SLC25A48: variants seen among roughly 807,000 people sequenced by gnomAD.
SLC25A48 encodes solute carrier family 25 member 48.
A neutral mutation model predicts 32.2 loss-of-function variants in SLC25A48; 29 were observed. The ratio of observed to expected loss-of-function variants is 0.90; its 90% CI spans 0.67 to 1.23. The LOEUF is 1.23. SLC25A48 is among the 50% of genes most tolerant of loss of function. SLC25A48 has a pLI of 0.00. For missense variants in SLC25A48, 399 were observed against 422.7 expected, an observed-to-expected ratio of 0.94 and a Z score of 0.49; for synonymous variants, 164 against 172.3, an observed-to-expected ratio of 0.95 and a Z score of 0.38.
At chr5:135,747,652 C>T (rs966016257) in intron 3 of SLC25A48, among the ~76,000 whole-genome samples, 1 of 152,088 alleles carries the variant, frequency 6.6e-6, no homozygotes, top group African/African-American at 2.4e-5. Flanking sequence ...AGGTTTGGCA[C>T]CTGGAATATT....
intron 3 of SLC25A48, among the ~76,000 whole-genome samples, chr5:135,728,201 G>A (rs1247428722): frequency 6.6e-6 from 1 of 151,418 alleles, no homozygotes; most frequent in African/African-American, 2.4e-5. Context: ...GGTTGCAGTG[G>A]GCTGAGATCG....
At chr5:135,605,009 C>A (rs1751900286) in intron 1 of SLC25A48, among the ~76,000 whole-genome samples, 1 of 152,140 alleles carries the variant, frequency 6.6e-6, no homozygotes, top group Admixed American at 6.5e-5. Flanking sequence ...TGTAGGTGTT[C>A]TTGAAATATA....
At chr5:135,732,234 T>G (rs1473025754) in intron 3 of SLC25A48, among the ~76,000 whole-genome samples, 1 of 152,234 alleles carries the variant, frequency 6.6e-6, no homozygotes, top group Non-Finnish European at 1.5e-5. Context: ...GTGTGAAGGT[T>G]TCACTGAATA....
intron 3 of SLC25A48, among the ~76,000 whole-genome samples, chr5:135,726,652 C>T (rs558643139): frequency 1.8e-4 from 28 of 152,284 alleles, no homozygotes; most frequent in African/African-American, 6.7e-4. Context: ...ATAGTGTGTT[C>T]CTTTTTATTG....
intron 3 of SLC25A48, among the ~76,000 whole-genome samples, chr5:135,772,005 C>G (rs1409510967): frequency 2.0e-5 from 3 of 151,426 alleles, no homozygotes; most frequent in Non-Finnish European, 4.4e-5. Flanking sequence ...GGGCTGTACA[C>G]TCCCCTATGA....
chr5:135,581,170 G>A (rs2126869056), intron 1 of SLC25A48, among the ~76,000 whole-genome samples: 1 of 152,236 alleles, frequency 6.6e-6, no homozygotes, highest in East Asian at 1.9e-4. Context: ...CAGAGTAAGT[G>A]TTTGATATGT....
intron 3 of SLC25A48, chr5:135,650,199 AGTCCTTGCT>A: frequency 3.8e-6 from 1 of 266,178 alleles, no homozygotes; most frequent in South Asian, 3.3e-5. Flanking sequence ...CCAACCTCAT[AGTCCTTGCT>A]GAGGCCTGTA....
intron 3 of SLC25A48, among the ~76,000 whole-genome samples, chr5:135,666,657 CAGAGAGAG>C (rs70976575): frequency 2.3e-4 from 35 of 150,070 alleles, no homozygotes; most frequent in Admixed American, 8.0e-4. Context: ...TTCAGGGCAT[CAGAGAGAG>C]AGAGAGAGAG....
chr5:135,660,576 T>G (rs1156823595), intron 3 of SLC25A48, among the ~76,000 whole-genome samples: 1 of 152,200 alleles, frequency 6.6e-6, no homozygotes, highest in East Asian at 1.9e-4. Context: ...ATTCTACCTA[T>G]CAAAATTACT....
At chr5:135,707,966 G>GGATT (rs1419527114) in intron 3 of SLC25A48, among the ~76,000 whole-genome samples, 2 of 152,130 alleles carry the variant, frequency 1.3e-5, no homozygotes, top group African/African-American at 4.8e-5. Context: ...ATGGATGGAT[G>GGATT]GATTGGCTAG....
intron 3 of SLC25A48, among the ~76,000 whole-genome samples, chr5:135,728,790 CT>C (rs1304511461): frequency 6.6e-6 from 1 of 151,284 alleles, no homozygotes; most frequent in East Asian, 2.0e-4. Context: ...TCTGACTTGC[CT>C]TTCACCTCAG....
At chr5:135,727,681 G>C (rs1755120530) in intron 3 of SLC25A48, among the ~76,000 whole-genome samples, 1 of 152,080 alleles carries the variant, frequency 6.6e-6, no homozygotes, top group Admixed American at 6.6e-5. Flanking sequence ...CTGTTGATCT[G>C]TGTTTGTAGT....
chr5:135,775,703 G>A (rs1580865904), intron 3 of SLC25A48, among the ~76,000 whole-genome samples: 2 of 151,728 alleles, frequency 1.3e-5, no homozygotes, highest in South Asian at 2.1e-4. Flanking sequence ...ACAACCCTTT[G>A]TGATATTGTT....
At chr5:135,671,576 G>T (rs1753654813) in intron 3 of SLC25A48, 1 of 152,146 alleles carries the variant, frequency 6.6e-6, no homozygotes, top group African/African-American at 2.4e-5. Context: ...CCAGCCGAGG[G>T]TCGCTGCTCC....
At chr5:135,594,140 G>A (rs1350697609) in intron 1 of SLC25A48, among the ~76,000 whole-genome samples, 1 of 152,246 alleles carries the variant, frequency 6.6e-6, no homozygotes. Context: ...TGGTCAAGGA[G>A]TCAGAGGGCT....
At chr5:135,844,373 G>T (rs557497349) in intron 2 of SLC25A48, among the ~76,000 whole-genome samples, 2 of 152,252 alleles carry the variant, frequency 1.3e-5, no homozygotes, top group South Asian at 4.2e-4. Flanking sequence ...GGTTGTTCCT[G>T]GCAATTCTCA....
chr5:135,804,037 T>A (rs1231917103), intron 3 of SLC25A48, among the ~76,000 whole-genome samples: 2 of 151,636 alleles, frequency 1.3e-5, no homozygotes, highest in Admixed American at 1.3e-4. Context: ...ATATTAGGAA[T>A]CATATCTCCC....
chr5:135,637,178 A>G (rs1214378233), intron 3 of SLC25A48, among the ~76,000 whole-genome samples: 3 of 152,230 alleles, frequency 2.0e-5, no homozygotes, highest in Admixed American at 2.0e-4. Context: ...ACCAACAAGT[A>G]AAATTTCTAT....
chr5:135,826,790 C>T (rs1402220677), intron 4 of SLC25A48: 1 of 152,244 alleles, frequency 6.6e-6, no homozygotes, highest in African/African-American at 2.4e-5. Context: ...GGGATTCACA[C>T]CAGCTCTGTC....
Sources: allele counts gnomAD v4.1 joint callset (sites outside exome capture counted in the v4.1 genomes callset), GRCh38; gene constraint gnomAD v4.1.1; transcripts MANE v1.5; gene names NCBI Gene and HGNC (gene_info 2026-07-23, HGNC 2026-07-21).